The following HMGCL variants were observed in gnomAD, a reference collection of about 807,000 sequenced individuals.
HMGCL encodes hydroxymethylglutaryl-CoA lyase, mitochondrial.
HMGCL carries 26 observed loss-of-function variants against 37.3 expected under a neutral mutation model. The ratio of observed to expected loss-of-function variants is 0.70; its 90% CI spans 0.51 to 0.97. The LOEUF is 0.97. Ranked by LOEUF, HMGCL falls within the 50% of genes least tolerant of loss-of-function variation. HMGCL has a pLI of 0.00. For missense variants in HMGCL, 379 were observed against 398.1 expected, an observed-to-expected ratio of 0.95 and a Z score of 0.41; for synonymous variants, 151 against 148.0, an observed-to-expected ratio of 1.02 and a Z score of -0.15.
At chr1:23,807,645 G>C (rs1638436430) in intron 7 of HMGCL, among the ~76,000 whole-genome samples, 1 of 152,166 alleles carries the variant, frequency 6.6e-6, no homozygotes, top group Non-Finnish European at 1.5e-5. Context: ...AGTGACCTCT[G>C]CTAGCTTCTC....
At chr1:23,805,307 C>T (rs1638387082) in intron 7 of HMGCL, among the ~76,000 whole-genome samples, 1 of 152,196 alleles carries the variant, frequency 6.6e-6, no homozygotes, top group African/African-American at 2.4e-5. Flanking sequence ...GGGTCATCTT[C>T]ACACAGCCTG....
At chr1:23,807,237 G>A (rs370162332) in intron 7 of HMGCL, 211 of 518,832 alleles carry the variant, frequency 4.1e-4, no homozygotes, top group African/African-American at 3.6e-3. Context: ...GCTGGGAAAC[G>A]CATGAGCTGA....
chr1:23,814,385 G>C, intron 4 of HMGCL, 47 bp from the exon 5 acceptor site: 1 of 1,605,236 alleles, frequency 6.2e-7, no homozygotes, highest in Non-Finnish European at 8.5e-7. Context: ...CTCTTTTTTT[G>C]TTTGAGATGG....
chr1:23,805,520 G>C lies in HMGCL; in HGVS notation c.751-995C>G, dbSNP rs553467688. On this transcript the variant is annotated intron_variant, in intron 7 of 8. Coordinates refer to ENST00000374490, the MANE Select transcript of HMGCL (RefSeq NM_000191.3). Reference sequence around the variant, plus strand: ...CAAGGCCACTGGTGGCCTCCATGTAGCTAAGTACAAAGGTCAAGTCTCTTC... The same window carrying C: ...CAAGGCCACTGGTGGCCTCCATGTACCTAAGTACAAAGGTCAAGTCTCTTC... Among the ~76,000 whole-genome samples the C allele has an allele frequency of 3.2e-4, 49 of 152,340 alleles. 1 individual carries two copies. The South Asian group carries it at 9.3e-3, about 29-fold the overall frequency.
Position 23,811,006 on chromosome 1 carries a change from T to C in HMGCL, c.498-207A>G, listed in dbSNP as rs545425166. On this transcript the variant is annotated intron_variant, in intron 5 of 8. Coordinates refer to ENST00000374490, the MANE Select transcript of HMGCL (RefSeq NM_000191.3). ...GAACTGGGGGACAATGGACCTACAATTGAGGAAGCAGAAGTTGCACAGGCC... is the reference window on the plus strand; with the variant it reads ...GAACTGGGGGACAATGGACCTACAACTGAGGAAGCAGAAGTTGCACAGGCC... Among the ~76,000 whole-genome samples the C allele has an allele frequency of 1.8e-4, 27 of 152,026 alleles. No individual in the cohort carries two copies. The South Asian group carries it at 3.1e-3, about 18-fold the overall frequency.
chr1:23,807,351 G>C (rs1266295869), intron 7 of HMGCL: 1 of 455,884 alleles, frequency 2.2e-6, no homozygotes, highest in South Asian at 1.6e-5. Flanking sequence ...TGAGGAAACC[G>C]ACCCAGAACA....
rs1638782579 is a variant in HMGCL, at chr1:23,824,620, G to C, written c.60+736C>G. ...CCGACTGATCACTTATTAGGAGCCA[G>C]AACACTGCCAGATGTGTTACTTACA... On this transcript the variant is annotated intron_variant, in intron 1 of 8. Transcript: ENST00000374490. Among the ~76,000 whole-genome samples the C allele has an allele frequency of 2.0e-5, 3 of 152,162 alleles. 1 individual carries two copies. The South Asian group carries it at 6.2e-4, about 32-fold the overall frequency.
intron 1 of HMGCL, among the ~76,000 whole-genome samples, chr1:23,821,076 C>T (rs562771252): frequency 2.0e-5 from 3 of 152,296 alleles, no homozygotes; most frequent in South Asian, 2.1e-4. Flanking sequence ...CCAGGTATTG[C>T]GGGGGGCAGT....
At chr1:23,821,387 G>A (rs1176191609) in intron 1 of HMGCL, among the ~76,000 whole-genome samples, 1 of 152,030 alleles carries the variant, frequency 6.6e-6, no homozygotes, top group Non-Finnish European at 1.5e-5. Context: ...CAGGCACGGT[G>A]GCTCATGCCT....
intron 1 of HMGCL, among the ~76,000 whole-genome samples, chr1:23,823,572 C>T (rs369058238): frequency 4.6e-5 from 7 of 152,042 alleles, no homozygotes; most frequent in African/African-American, 1.4e-4. Flanking sequence ...AGGCTGGTCC[C>T]GAACTCCCGA....
In HMGCL at chr1:23,817,907, T is replaced by C. The variant is rs545682513; in HGVS notation, c.145-324A>G. Among the ~76,000 whole-genome samples, 161 of 152,306 alleles carry C rather than the reference T, an allele frequency of 1.1e-3. 2 individuals carry two copies. Among genetic ancestry groups the C allele is most frequent in the Non-Finnish European group, 2.1e-3 (141 of 68,030 alleles). ...CCTCGCTTCTGTCTCCCAATTGGCA[T>C]AGGACTTCAGCCTCATGTGTTCAGC... is the stretch of plus-strand genomic sequence containing the variant. On this transcript the variant is annotated intron_variant, in intron 2 of 8. Transcript: ENST00000374490.
At chr1:23,820,439 G>T in intron 2 of HMGCL, 71 bp downstream of exon 2, 2 of 1,040,584 alleles carry the variant, frequency 1.9e-6, no homozygotes, top group Non-Finnish European at 3.0e-6. Context: ...AACTGCCATT[G>T]CACCTATCAC....
chr1:23,808,909 A>C (rs1488345096), intron 6 of HMGCL, among the ~76,000 whole-genome samples: 1 of 150,974 alleles, frequency 6.6e-6, no homozygotes, highest in Admixed American at 6.6e-5. Context: ...TATATTTTAC[A>C]TATATATATT....
Position 23,808,116 on chromosome 1 carries a change from G to T in HMGCL, c.750+19C>A. 1 of 1,609,348 alleles carries T rather than the reference G, an allele frequency of 6.2e-7. No individual in the cohort carries two copies. The highest frequency in any genetic ancestry group is 8.5e-7 in the Non-Finnish European group (1 of 1,175,752). On this transcript the variant is annotated intron_variant, in intron 7 of 8. Coordinates refer to ENST00000374490, the MANE Select transcript of HMGCL (RefSeq NM_000191.3). ...GCCCACCGTGACCTTTGGGAGAATG[G>T]GCATATGCTTTTGATTACCTGCAGG...
At chr1:23,815,093 G>A (rs927199248) in intron 4 of HMGCL, among the ~76,000 whole-genome samples, 1 of 152,082 alleles carries the variant, frequency 6.6e-6, no homozygotes, top group African/African-American at 2.4e-5. Context: ...TGTAGTCCCA[G>A]CTACTCGGGA....
Position 23,819,813 on chromosome 1 carries a change from C to T in HMGCL, c.144+697G>A, listed in dbSNP as rs541860274. ...GTTTGGAGACAGAATCGTGCTCTGC[C>T]TCAGCCTCCTGAAGTGCTGGGATTA... On this transcript the variant is annotated intron_variant, in intron 2 of 8. Coordinates refer to ENST00000374490, the MANE Select transcript of HMGCL (RefSeq NM_000191.3). Among the ~76,000 whole-genome samples the T allele has an allele frequency of 3.3e-5, 5 of 152,314 alleles. No homozygotes were observed. The East Asian group carries it at 9.7e-4, about 29-fold the overall frequency.
chr1:23,817,173 C>A (rs1275431101), intron 3 of HMGCL, among the ~76,000 whole-genome samples: 1 of 152,176 alleles, frequency 6.6e-6, no homozygotes, highest in East Asian at 1.9e-4. Context: ...CTTTTACAAA[C>A]AAAGAAACCA....
intron 7 of HMGCL, among the ~76,000 whole-genome samples, chr1:23,804,886 C>CA (rs1353011450): frequency 4.1e-5 from 5 of 123,400 alleles, no homozygotes; most frequent in Admixed American, 1.6e-4. Flanking sequence ...ACCCCCCCCC[C>CA]ACTTACCCCC....
chr1:23,808,909 A>G (rs1488345096), intron 6 of HMGCL, among the ~76,000 whole-genome samples: 1 of 150,974 alleles, frequency 6.6e-6, no homozygotes, highest in Non-Finnish European at 1.5e-5. Flanking sequence ...TATATTTTAC[A>G]TATATATATT....
Sources: gnomAD v4.1 joint callset for allele counts (sites outside exome capture counted in the v4.1 genomes callset) on GRCh38, gnomAD v4.1.1 for gene constraint, MANE v1.5 for transcripts, NCBI Gene and HGNC (gene_info 2026-07-23, HGNC 2026-07-21) for gene names.